The following FEZ2 variants were observed in gnomAD, a reference collection of about 807,000 sequenced individuals.
FEZ2 encodes the protein fasciculation and elongation protein zeta 2.
Under a neutral mutation model 40.4 loss-of-function variants are expected in FEZ2, and 51 were observed. The observed-to-expected ratio is 1.26, with a 90% CI of 1.01 to 1.59. The LOEUF (loss-of-function observed/expected upper bound fraction) is 1.59, where lower values mean the gene tolerates loss of function less well. Ranked by LOEUF, FEZ2 falls within the 40% of genes most tolerant of loss-of-function variation. FEZ2 has a pLI of 0.00. For missense variants in FEZ2, 640 were observed against 438.3 expected (o/e 1.46, Z -4.11); for synonymous variants, 242 against 172.0 (o/e 1.41, Z -3.18).
At chr2:36,583,142 G>A (rs1170184850) in intron 3 of FEZ2, among the ~76,000 whole-genome samples, 1 of 152,096 alleles carries the variant, frequency 6.6e-6, no homozygotes, top group African/African-American at 2.4e-5. Context: ...CAAGGCCTCT[G>A]TTGGAAACCT....
intron 3 of FEZ2, 84 bp from the exon 4 acceptor site, chr2:36,581,515 C>T (rs1668747545): frequency 8.0e-7 from 1 of 1,244,674 alleles, no homozygotes; most frequent in Admixed American, 1.9e-5. Context: ...CTAAGGCACC[C>T]AGAGCAGAAA....
intron 1 of FEZ2, 59 bp downstream of exon 1, chr2:36,597,818 C>A: frequency 8.0e-7 from 1 of 1,257,728 alleles, no homozygotes. Context: ...GTAGGGCTGC[C>A]GGTCGGGCGA....
At chr2:36,583,670 G>T (rs867122699) in intron 2 of FEZ2, among the ~76,000 whole-genome samples, 1 of 152,074 alleles carries the variant, frequency 6.6e-6, no homozygotes. Flanking sequence ...GAATAAATAT[G>T]AAATCACTGA....
chr2:36,571,388 C>A (rs1003980073), intron 5 of FEZ2, among the ~76,000 whole-genome samples: 1 of 152,168 alleles, frequency 6.6e-6, no homozygotes, highest in African/African-American at 2.4e-5. Context: ...GAGCCGGGCA[C>A]GGTTGCTCAC....
At chr2:36,559,248 C>A (rs1033413002) in intron 5 of FEZ2, 1 of 152,218 alleles carries the variant, frequency 6.6e-6, no homozygotes, top group African/African-American at 2.4e-5. Context: ...AGCGCCATGT[C>A]TTTTAACTAA....
At chr2:36,585,078 A>T (rs1247856263) in intron 2 of FEZ2, among the ~76,000 whole-genome samples, 1 of 152,192 alleles carries the variant, frequency 6.6e-6, no homozygotes, top group East Asian at 1.9e-4. Context: ...TGTGGAAAAA[A>T]GGAGAATCTA....
intron 7 of FEZ2, among the ~76,000 whole-genome samples, chr2:36,553,400 G>T: frequency 6.6e-6 from 1 of 152,124 alleles, no homozygotes; most frequent in East Asian, 1.9e-4. Flanking sequence ...GATACCAAAA[G>T]GCCATGTCTC....
chr2:36,588,685 T>C (rs1303193292), intron 2 of FEZ2, among the ~76,000 whole-genome samples: 1 of 152,190 alleles, frequency 6.6e-6, no homozygotes, highest in African/African-American at 2.4e-5. Context: ...TGTATATAAC[T>C]ATACAATATT....
chr2:36,570,625 G>A (rs1668380863), intron 5 of FEZ2, among the ~76,000 whole-genome samples: 1 of 152,172 alleles, frequency 6.6e-6, no homozygotes, highest in Non-Finnish European at 1.5e-5. Context: ...ATGACAGAGT[G>A]TACTTACACA....
chr2:36,574,933 C>A lies in FEZ2; in HGVS notation c.903+3664G>T, dbSNP rs541871432. 2.0e-5 allele frequency among the ~76,000 whole-genome samples: 3 copies of A among 152,100 alleles called. No individual in the cohort carries two copies. In the South Asian group the frequency reaches 6.2e-4, roughly 32 times the overall value. ...CCACTCCTTTAACCTCCTCTTCAAA[C>A]GGAGAATTGGAAAGGGACTAGGCAG... On this transcript the variant is annotated intron_variant, in intron 5 of 7. Transcript: ENST00000405912.
rs185851546 is a variant in FEZ2, at chr2:36,552,832, A to G, written c.*331T>C. Reference sequence around the variant, plus strand: ...AATCTAGTTCATCAGTGCAGTTTAGATAAGAAAGCCATAAAAACAAATGGG... The same window carrying G: ...AATCTAGTTCATCAGTGCAGTTTAGGTAAGAAAGCCATAAAAACAAATGGG... On this transcript the variant is annotated 3_prime_UTR_variant, in exon 8 of 8. Transcript: ENST00000405912. The G allele has an allele frequency of 2.1e-5, 6 of 289,664 alleles. No homozygotes were observed. In the East Asian group the frequency reaches 3.5e-4, roughly 17 times the overall value. 17.9% of individuals were successfully genotyped at this position (289,664 alleles called of 1,614,324 possible). A position where few individuals can be genotyped will look rare whatever the true frequency, so the allele number is the denominator to read the frequency against.
chr2:36,595,714 G>A (rs186466614), intron 1 of FEZ2, among the ~76,000 whole-genome samples: 2 of 152,270 alleles, frequency 1.3e-5, no homozygotes, highest in East Asian at 3.9e-4. Flanking sequence ...GCAATGATGA[G>A]TATGTTTTTG....
chr2:36,563,350 T>TGCTGCTGATG (rs1314340323), intron 5 of FEZ2, among the ~76,000 whole-genome samples: 1 of 152,146 alleles, frequency 6.6e-6, no homozygotes, highest in Non-Finnish European at 1.5e-5. Context: ...CCTCTGTCCT[T>TGCTGCTGATG]GCTGCTGATG....
chr2:36,591,466 C>T (rs77760349), intron 1 of FEZ2: 1,999 of 152,872 alleles, frequency 0.013, 28 homozygotes, highest in African/African-American at 0.045. Flanking sequence ...ACTTATTTTT[C>T]TTCTGTAACT....
chr2:36,553,689 C>T (rs1667881521), intron 7 of FEZ2, among the ~76,000 whole-genome samples: 1 of 152,188 alleles, frequency 6.6e-6, no homozygotes, highest in African/African-American at 2.4e-5. Context: ...CCACCCTACT[C>T]CCTTTTCTCA....
intron 5 of FEZ2, among the ~76,000 whole-genome samples, chr2:36,565,601 G>A (rs529844728): frequency 3.3e-5 from 5 of 152,244 alleles, no homozygotes; most frequent in Admixed American, 6.5e-5. Context: ...ACCTCCGGGT[G>A]CAACTCAGCC....
intron 5 of FEZ2, among the ~76,000 whole-genome samples, chr2:36,559,632 C>T (rs896624527): frequency 6.6e-6 from 1 of 152,196 alleles, no homozygotes; most frequent in Non-Finnish European, 1.5e-5. Context: ...TCGAATGTTT[C>T]TTTGTAAAGA....
chr2:36,581,380 C>T lies in FEZ2; in HGVS notation c.544G>A (p.Asp182Asn). ...MMQESPDPEDDETPTQSDRLS... is the reference protein window; with the variant it reads ...MMQESPDPEDNETPTQSDRLS... ...CGATCTGACTGTGTAGGGGTTTCAT[C>T]ATCTTCTGGGTCCGGTGATTCCTGC... The change falls in exon 4 of 8, where the codon GAT (aspartate) becomes AAT (asparagine). Residue 182 changes from aspartate (D) to asparagine (N), a missense_variant. Coordinates refer to ENST00000405912, the MANE Select transcript of FEZ2 (RefSeq NM_005102.3). The T allele has an allele frequency of 6.2e-7, 1 of 1,613,358 alleles. No homozygotes were observed. Among genetic ancestry groups the T allele is most frequent in the Non-Finnish European group, 8.5e-7 (1 of 1,179,340 alleles).
rs1294081462 is a variant in FEZ2 at position 36,552,859 on chromosome 2, ATAC to A, written c.*301_*303del. ...AAGAAAGCCATAAAAACAAATGGGC[ATAC>A]TGTCAGTTAATGAGAAATACAACTG... On this transcript the variant is annotated 3_prime_UTR_variant, in exon 8 of 8. Transcript: ENST00000405912. 3 of 334,588 alleles carry A rather than the reference ATAC, an allele frequency of 9.0e-6. No individual in the cohort carries two copies. The highest frequency in any genetic ancestry group is 1.6e-5 in the Non-Finnish European group (3 of 184,982). 20.7% of individuals were successfully genotyped at this position (334,588 alleles called of 1,614,324 possible).
Sources: gnomAD v4.1 joint callset for allele counts (sites outside exome capture counted in the v4.1 genomes callset) on GRCh38, gnomAD v4.1.1 for gene constraint, MANE v1.5 for transcripts, NCBI Gene and HGNC (gene_info 2026-07-23, HGNC 2026-07-21) for gene names.